Variants in KCNIP3 observed in about 807,000 individuals in gnomAD.
KCNIP3 encodes calsenilin.
In KCNIP3, 28 loss-of-function variants were observed where a neutral mutation model predicts 35.0. That is an observed-to-expected ratio of 0.80 (90% CI 0.59 to 1.10). The LOEUF (loss-of-function observed/expected upper bound fraction) is 1.10, where lower values mean the gene tolerates loss of function less well. KCNIP3 is among the 50% of genes least tolerant of loss of function. KCNIP3 has a pLI of 0.00. For missense variants in KCNIP3, 295 were observed against 338.4 expected (o/e 0.87, Z 1.01); for synonymous variants, 134 against 133.8 (o/e 1.00, Z -0.01).
At chr2:95,306,298 A>G (rs1261066845) in intron 1 of KCNIP3, among the ~76,000 whole-genome samples, 1 of 152,202 alleles carries the variant, frequency 6.6e-6, no homozygotes, top group African/African-American at 2.4e-5. Flanking sequence ...TCTCTGGTGA[A>G]ATGTCTGTGC....
intron 1 of KCNIP3, among the ~76,000 whole-genome samples, chr2:95,300,527 C>G (rs115716782): frequency 6.6e-6 from 1 of 152,216 alleles, no homozygotes; most frequent in African/African-American, 2.4e-5. Context: ...GAAGTTAGCA[C>G]GTCTTTCTGG....
At chr2:95,374,045 G>A (rs1181875700) in intron 2 of KCNIP3, among the ~76,000 whole-genome samples, 1 of 150,692 alleles carries the variant, frequency 6.6e-6, no homozygotes, top group Non-Finnish European at 1.5e-5. Flanking sequence ...GCGGCTGACA[G>A]GGGGGCACAC....
intron 2 of KCNIP3, among the ~76,000 whole-genome samples, chr2:95,317,161 C>T (rs937466209): frequency 6.6e-6 from 1 of 152,192 alleles, no homozygotes; most frequent in African/African-American, 2.4e-5. Context: ...GGGCCCCTGG[C>T]CCTGAGCCTC....
intron 7 of KCNIP3, 139 bp from the exon 8 acceptor site, chr2:95,383,093 C>A: frequency 1.4e-6 from 1 of 738,490 alleles, no homozygotes; most frequent in Non-Finnish European, 2.4e-6. Context: ...TCACAGGGGA[C>A]AAGTTAGAGT....
At chr2:95,363,074 T>C (rs781165705) in intron 2 of KCNIP3, among the ~76,000 whole-genome samples, 1 of 152,242 alleles carries the variant, frequency 6.6e-6, no homozygotes, top group East Asian at 1.9e-4. Context: ...TCTTCTTCTA[T>C]TCTGTTGAGT....
At chr2:95,330,811 A>G (rs1234320122) in intron 2 of KCNIP3, among the ~76,000 whole-genome samples, 4 of 152,326 alleles carry the variant, frequency 2.6e-5, no homozygotes, top group African/African-American at 9.6e-5. Flanking sequence ...CTGGCAGGCA[A>G]TGTCCCAGGC....
At chr2:95,353,791 T>C (rs1679586597) in intron 2 of KCNIP3, among the ~76,000 whole-genome samples, 1 of 152,176 alleles carries the variant, frequency 6.6e-6, no homozygotes, top group African/African-American at 2.4e-5. Flanking sequence ...TGGCTGCGGC[T>C]TCTCTTAGCT....
chr2:95,368,194 G>A (rs765054652), intron 2 of KCNIP3, among the ~76,000 whole-genome samples: 2 of 152,206 alleles, frequency 1.3e-5, no homozygotes, highest in Non-Finnish European at 2.9e-5. Flanking sequence ...TCTAATTAGT[G>A]ATCAGCTGTA....
At chr2:95,383,432 C>T (rs1680400592) in intron 8 of KCNIP3, 138 bp downstream of exon 8, 2 of 859,376 alleles carry the variant, frequency 2.3e-6, no homozygotes, top group Admixed American at 2.0e-5. Context: ...TGGCCCCTTG[C>T]CACCTCCTGG....
chr2:95,349,838 G>A (rs372450322), intron 2 of KCNIP3, among the ~76,000 whole-genome samples: 2 of 152,234 alleles, frequency 1.3e-5, no homozygotes, highest in African/African-American at 2.4e-5. Context: ...GCAAGTGTGC[G>A]AGAGCTTGGA....
chr2:95,332,132 C>A (rs1176420293), intron 2 of KCNIP3, among the ~76,000 whole-genome samples: 1 of 152,188 alleles, frequency 6.6e-6, no homozygotes, highest in Non-Finnish European at 1.5e-5. Context: ...GAGGCACAGG[C>A]CAAGGAATCC....
chr2:95,353,038 T>C (rs889960150), intron 2 of KCNIP3, among the ~76,000 whole-genome samples: 8 of 152,160 alleles, frequency 5.3e-5, no homozygotes, highest in African/African-American at 1.4e-4. Flanking sequence ...GTCCCACCAT[T>C]AGTCATATGG....
chr2:95,314,993 G>A (rs1274847173), intron 2 of KCNIP3, among the ~76,000 whole-genome samples: 6 of 152,230 alleles, frequency 3.9e-5, no homozygotes, highest in Non-Finnish European at 8.8e-5. Flanking sequence ...TCACTGTTCT[G>A]TGAGGCCAGC....
intron 2 of KCNIP3, among the ~76,000 whole-genome samples, chr2:95,366,215 CA>C (rs1316982510): frequency 6.6e-6 from 1 of 152,176 alleles, no homozygotes; most frequent in Non-Finnish European, 1.5e-5. Context: ...AGTCAGCCCC[CA>C]GGCAGCCACT....
intron 2 of KCNIP3, among the ~76,000 whole-genome samples, chr2:95,357,629 G>A (rs1052379719): frequency 2.0e-5 from 3 of 152,196 alleles, no homozygotes; most frequent in Non-Finnish European, 4.4e-5. Flanking sequence ...ATCATGTGAA[G>A]TCATGAGTGC....
rs933582040 is a variant in KCNIP3, at chr2:95,384,999, C to G, written c.*950C>G. 1.3e-5 allele frequency: 2 copies of G among 152,812 alleles called. No homozygotes were observed. Among genetic ancestry groups the G allele is most frequent in the African/African-American group, 4.8e-5 (2 of 41,456 alleles). The allele number at this position is 152,812 out of a possible 1,614,324, so 9.5% of individuals were successfully genotyped here. A position where few individuals can be genotyped will look rare whatever the true frequency, so the allele number is the denominator to read the frequency against. ...AGCCCGGGGCAGAGCTCAGAGGAGT[C>G]TGGGAAGGGGCGTGTCCCTCCTCTT... On this transcript the variant is annotated 3_prime_UTR_variant, in exon 9 of 9. Coordinates refer to ENST00000295225, the MANE Select transcript of KCNIP3 (RefSeq NM_013434.5).
intron 2 of KCNIP3, among the ~76,000 whole-genome samples, chr2:95,362,310 TGGTCAGGCC>T (rs1679818087): frequency 6.6e-6 from 1 of 152,114 alleles, no homozygotes; most frequent in Admixed American, 6.5e-5. Context: ...TTCTCCATGT[TGGTCAGGCC>T]GGTCTCGAAC....
intron 2 of KCNIP3, among the ~76,000 whole-genome samples, chr2:95,367,562 A>T (rs1482633999): frequency 2.0e-5 from 3 of 152,134 alleles, no homozygotes; most frequent in Non-Finnish European, 4.4e-5. Context: ...AGCATTTTGT[A>T]GTTTTTGGCA....
chr2:95,304,468 C>T (rs574580297), intron 1 of KCNIP3, among the ~76,000 whole-genome samples: 7 of 152,102 alleles, frequency 4.6e-5, no homozygotes, highest in African/African-American at 9.7e-5. Context: ...GTGCTGGCCC[C>T]GAGTCTAAGT....
Sources: gnomAD v4.1 joint callset for allele counts (sites outside exome capture counted in the v4.1 genomes callset) on GRCh38, gnomAD v4.1.1 for gene constraint, MANE v1.5 for transcripts, NCBI Gene and HGNC (gene_info 2026-07-23, HGNC 2026-07-21) for gene names.